ZFHX3: variants seen among roughly 807,000 people sequenced by gnomAD.
ZFHX3 encodes the protein zinc finger homeobox protein 3.
ZFHX3 carries 42 observed loss-of-function variants against 279.1 expected under a neutral mutation model. The ratio of observed to expected loss-of-function variants is 0.15; its 90% CI spans 0.12 to 0.19. ZFHX3 has a LOEUF of 0.19. Among genes scored for constraint, ZFHX3 ranks in the 10% least tolerant of loss-of-function variants. ZFHX3 has a pLI of 1.00. For synonymous variants in ZFHX3, 2,293 were observed against 1,957.8 expected (o/e 1.17, Z -4.52); for missense variants, 4,981 against 4,754.0 (o/e 1.05, Z -1.40).
intron 1 of ZFHX3, among the ~76,000 whole-genome samples, chr16:72,963,309 C>T (rs757136094): frequency 2.0e-5 from 3 of 152,118 alleles, no homozygotes; most frequent in Non-Finnish European, 4.4e-5. Flanking sequence ...TGGTGGCACC[C>T]GGAACTCCCT....
chr16:73,739,030 C>A (rs569322028), intron 1 of ZFHX3, among the ~76,000 whole-genome samples: 1 of 152,368 alleles, frequency 6.6e-6, no homozygotes, highest in South Asian at 2.1e-4. Context: ...GCAATGCCAT[C>A]TCCTTCCTCT....
At position 73,817,897 on chromosome 16, in the gene ZFHX3, C is replaced by T. The variant is rs192092894; in HGVS notation, c.-1608+73754G>A. Among the ~76,000 whole-genome samples the T allele has an allele frequency of 3.9e-4, 59 of 152,286 alleles. 1 individual carries two copies. Among genetic ancestry groups the T allele is most frequent in the African/African-American group, 1.4e-3 (58 of 41,554 alleles). ...TTATGAGTTGATCATTTGTACCGAA[C>T]CCCCCTCAAAGTGCCAAGGGTTACC... On this transcript the variant is annotated intron_variant, in intron 1 of 17. Coordinates refer to the ZFHX3 transcript ENST00000641206.
intron 1 of ZFHX3, among the ~76,000 whole-genome samples, chr16:73,736,701 T>G (rs538778482): frequency 6.6e-6 from 1 of 152,310 alleles, no homozygotes; most frequent in African/African-American, 2.4e-5. Context: ...AGATGTCAAT[T>G]CATTTTTCTC....
intron 4 of ZFHX3, among the ~76,000 whole-genome samples, chr16:72,836,877 G>A (rs922850833): frequency 4.6e-5 from 7 of 152,160 alleles, no homozygotes; most frequent in Non-Finnish European, 7.3e-5. Flanking sequence ...GTGGGGGCAG[G>A]AGAAAGCAGG....
chr16:73,168,900 T>C (rs927361742), intron 5 of ZFHX3, among the ~76,000 whole-genome samples: 11 of 152,218 alleles, frequency 7.2e-5, no homozygotes, highest in Non-Finnish European at 1.6e-4. Flanking sequence ...TTAGTTTTGC[T>C]GACTGCCATC....
intron 8 of ZFHX3, among the ~76,000 whole-genome samples, chr16:73,070,478 C>G (rs1311099128): frequency 1.3e-5 from 2 of 152,142 alleles, no homozygotes; most frequent in Non-Finnish European, 2.9e-5. Context: ...AAGCGAATAG[C>G]TTTTCCTCTC....
At position 72,796,475 on chromosome 16, in the gene ZFHX3, T is replaced by A; in HGVS notation, c.6207A>T (p.Pro2069=). 1 of 1,296,062 alleles carries A rather than the reference T, an allele frequency of 7.7e-7. No homozygotes were observed. The allele number at this position is 1,296,062 out of a possible 1,614,324, so 80.3% of individuals were successfully genotyped here. A position where few individuals can be genotyped will look rare whatever the true frequency, so the allele number is the denominator to read the frequency against. The change falls in exon 9 of 10, where the codon CCA becomes CCT. Residue 2069 remains proline (P), a synonymous_variant. Coordinates refer to ENST00000268489, the MANE Select transcript of ZFHX3 (RefSeq NM_006885.4). ...GTGCAATTGTAGGTGAGGTGATGGG[T>A]GGGGCTGATGCGGGGATGGCTGGTG... ...ASTPAIPASA[P]PITSPTIAPA...
intron 3 of ZFHX3, among the ~76,000 whole-genome samples, chr16:72,910,519 G>C (rs933202554): frequency 2.6e-5 from 4 of 152,150 alleles, no homozygotes; most frequent in Admixed American, 2.6e-4. Flanking sequence ...GTCCTGCGTA[G>C]ATTTCAAAGG....
intron 3 of ZFHX3, among the ~76,000 whole-genome samples, chr16:73,417,354 T>TAGTA (rs1250832326): frequency 1.3e-5 from 2 of 151,798 alleles, no homozygotes; most frequent in Non-Finnish European, 2.9e-5. Flanking sequence ...ACTTTGGTAT[T>TAGTA]AGTATTGTAC....
chr16:73,521,372 T>A (rs916190100), intron 2 of ZFHX3, among the ~76,000 whole-genome samples: 2 of 152,176 alleles, frequency 1.3e-5, no homozygotes, highest in East Asian at 3.8e-4. Flanking sequence ...ATAATAGCAA[T>A]AATAATAATG....
chr16:73,342,917 G>A lies in ZFHX3; in HGVS notation c.-1290-24581C>T, dbSNP rs144977597. Among the ~76,000 whole-genome samples, 738 of 152,296 alleles carry A rather than the reference G, an allele frequency of 4.8e-3. 3 individuals are homozygous for A. The highest frequency in any genetic ancestry group is 7.7e-3 in the Non-Finnish European group (522 of 68,022). ...TGTGGGGGCTGGGGAACTGGCCCAA[G>A]TGACCTTCCAACAGAGAGTTCTGAC... On this transcript the variant is annotated intron_variant, in intron 3 of 17. Coordinates refer to the ZFHX3 transcript ENST00000641206.
intron 1 of ZFHX3, among the ~76,000 whole-genome samples, chr16:73,784,810 T>TAC (rs1329672942): frequency 7.3e-6 from 1 of 137,776 alleles, no homozygotes; most frequent in African/African-American, 2.7e-5. Flanking sequence ...TATATATATA[T>TAC]ATATATACAC....
chr16:72,957,137 GAGAA>G (rs1372693334), intron 2 of ZFHX3, among the ~76,000 whole-genome samples: 4 of 152,210 alleles, frequency 2.6e-5, no homozygotes, highest in African/African-American at 9.6e-5. Flanking sequence ...AGAAGAGACA[GAGAA>G]AGAGAGAATG....
At chr16:73,597,517 G>A (rs186849800) in intron 2 of ZFHX3, among the ~76,000 whole-genome samples, 119 of 152,324 alleles carry the variant, frequency 7.8e-4, no homozygotes, top group Non-Finnish European at 1.4e-3. Context: ...AATTAGTTAA[G>A]ATGAGAACAT....
Position 73,594,329 on chromosome 16 carries a change from C to T in ZFHX3, c.-1547+85851G>A, listed in dbSNP as rs2052027611. Reference sequence around the variant, plus strand: ...AAGTTAAAAGATCTACATAGAGAACCATGCCATATTTATAAATGGGAAGGC... The same window carrying T: ...AAGTTAAAAGATCTACATAGAGAACTATGCCATATTTATAAATGGGAAGGC... On this transcript the variant is annotated intron_variant, in intron 2 of 17. Coordinates refer to the ZFHX3 transcript ENST00000641206. 2.0e-5 allele frequency among the ~76,000 whole-genome samples: 3 copies of T among 151,992 alleles called. 1 individual carries two copies. Among genetic ancestry groups the T allele is most frequent in the Admixed American group, 2.0e-4 (3 of 15,246 alleles).
chr16:72,973,971 G>C (rs886144007), intron 1 of ZFHX3: 20 of 152,184 alleles, frequency 1.3e-4, no homozygotes, highest in African/African-American at 4.8e-4. Context: ...ATCAAAGCCG[G>C]GTTCACTAGT....
At chr16:73,612,028 T>C (rs1232046907) in intron 2 of ZFHX3, among the ~76,000 whole-genome samples, 1 of 151,634 alleles carries the variant, frequency 6.6e-6, no homozygotes, top group Non-Finnish European at 1.5e-5. Flanking sequence ...ACATAACATG[T>C]TTTTTTAGTT....
intron 3 of ZFHX3, among the ~76,000 whole-genome samples, chr16:73,438,694 A>C (rs535740916): frequency 7.2e-5 from 11 of 151,802 alleles, no homozygotes; most frequent in African/African-American, 2.4e-4. Flanking sequence ...ACCCTTAATT[A>C]TTATTACTAA....
In ZFHX3 at chr16:73,130,893, C is replaced by A. The variant is rs1294680936; in HGVS notation, c.-897+75G>T. The A allele has an allele frequency of 4.1e-6, 5 of 1,219,334 alleles. No homozygotes were observed. In the African/African-American group the frequency reaches 4.7e-5, roughly 11 times the overall value. 75.5% of individuals were successfully genotyped at this position (1,219,334 alleles called of 1,614,324 possible). A position where few individuals can be genotyped will look rare whatever the true frequency, so the allele number is the denominator to read the frequency against. On this transcript the variant is annotated intron_variant, in intron 7 of 17. Coordinates refer to the ZFHX3 transcript ENST00000641206. ...AAAGTGCTGGGATCACAGGGGTGAG[C>A]CAACACGCTGGGCCCAGACAGTCTT...
Sources: gnomAD v4.1 joint callset for allele counts (sites outside exome capture counted in the v4.1 genomes callset) on GRCh38, gnomAD v4.1.1 for gene constraint, MANE v1.5 for transcripts, NCBI Gene and HGNC (gene_info 2026-07-23, HGNC 2026-07-21) for gene names.